Variants in IL17RD observed in about 807,000 individuals in gnomAD.
IL17RD encodes interleukin-17 receptor D.
A neutral mutation model predicts 80.5 loss-of-function variants in IL17RD; 52 were observed. That is an observed-to-expected ratio of 0.65 (90% CI 0.52 to 0.81). The LOEUF is 0.81. Ranked by LOEUF, IL17RD falls within the 40% of genes least tolerant of loss-of-function variation. The pLI, the probability that IL17RD is intolerant of heterozygous loss-of-function variation, is 0.00. For missense variants in IL17RD, 1,024 were observed against 955.1 expected, an observed-to-expected ratio of 1.07 and a Z score of -0.95; for synonymous variants, 416 against 391.8, an observed-to-expected ratio of 1.06 and a Z score of -0.73.
At chr3:57,152,185 C>T (rs1443908545) in intron 1 of IL17RD, among the ~76,000 whole-genome samples, 1 of 152,082 alleles carries the variant, frequency 6.6e-6, no homozygotes, top group African/African-American at 2.4e-5. Flanking sequence ...GGCAAGCTGC[C>T]CCCCGCCCCC....
chr3:57,149,537 T>C (rs768751096), intron 1 of IL17RD, among the ~76,000 whole-genome samples: 3 of 152,204 alleles, frequency 2.0e-5, no homozygotes, highest in Admixed American at 6.5e-5. Context: ...ATGTCTACCT[T>C]TGAGGGTGAG....
At chr3:57,098,900 G>C (rs2107465125) in intron 11 of IL17RD, among the ~76,000 whole-genome samples, 1 of 152,350 alleles carries the variant, frequency 6.6e-6, no homozygotes, top group South Asian at 2.1e-4. Context: ...GAGAGCACAG[G>C]ACAGAGAAAC....
At chr3:57,153,469 A>G (rs2060243526) in intron 1 of IL17RD, among the ~76,000 whole-genome samples, 1 of 152,196 alleles carries the variant, frequency 6.6e-6, no homozygotes, top group Non-Finnish European at 1.5e-5. Context: ...TAAAGGACCG[A>G]AAAATAGGTA....
upstream of IL17RD, among the ~76,000 whole-genome samples, chr3:57,168,771 C>T (rs1287540530): frequency 6.6e-6 from 1 of 152,160 alleles, no homozygotes; most frequent in Admixed American, 6.5e-5. Flanking sequence ...GGTTGGAGTG[C>T]AATGCCATGG....
At chr3:57,159,416 TAA>T (rs2060288858) in intron 1 of IL17RD, among the ~76,000 whole-genome samples, 1 of 152,210 alleles carries the variant, frequency 6.6e-6, no homozygotes, top group African/African-American at 2.4e-5. Context: ...CAAGGCATTT[TAA>T]TAGAGCAAAT....
intron 3 of IL17RD, among the ~76,000 whole-genome samples, chr3:57,111,312 T>C (rs2107485185): frequency 6.6e-6 from 1 of 152,352 alleles, no homozygotes; most frequent in African/African-American, 2.4e-5. Context: ...TGATGAAGAA[T>C]ACATATTTCT....
intron 1 of IL17RD, among the ~76,000 whole-genome samples, chr3:57,125,861 C>G (rs935772176): frequency 6.6e-6 from 1 of 152,210 alleles, no homozygotes; most frequent in South Asian, 2.1e-4. Context: ...AAACCCCTGC[C>G]TACAGTCCTG....
intron 1 of IL17RD, among the ~76,000 whole-genome samples, chr3:57,152,603 G>A (rs1262125211): frequency 6.6e-6 from 1 of 152,130 alleles, no homozygotes; most frequent in Non-Finnish European, 1.5e-5. Context: ...ACAACTTGTT[G>A]CTTTTTGACA....
At chr3:57,114,532 G>A (rs963500912) in intron 3 of IL17RD, among the ~76,000 whole-genome samples, 160 bp downstream of exon 3, 4 of 152,194 alleles carry the variant, frequency 2.6e-5, no homozygotes, top group Admixed American at 6.5e-5. Flanking sequence ...CCATGTGTAC[G>A]CCCAGCAAAT....
intron 11 of IL17RD, among the ~76,000 whole-genome samples, chr3:57,099,175 T>C (rs564402328): frequency 2.8e-4 from 43 of 152,226 alleles, no homozygotes; most frequent in Non-Finnish European, 5.9e-4. Flanking sequence ...GAGAGGAGGC[T>C]AGTGAACTGC....
At chr3:57,125,096 A>C (rs1358279037) in intron 1 of IL17RD, among the ~76,000 whole-genome samples, 1 of 152,040 alleles carries the variant, frequency 6.6e-6, no homozygotes, top group African/African-American at 2.4e-5. Context: ...AAATTTCTGA[A>C]CCTCCCTGAG....
intron 1 of IL17RD, among the ~76,000 whole-genome samples, chr3:57,120,553 C>T (rs1231358858): frequency 6.6e-6 from 1 of 152,216 alleles, no homozygotes; most frequent in Non-Finnish European, 1.5e-5. Context: ...TCCCCTAAAA[C>T]AATAAGGGCA....
At chr3:57,128,971 C>A (rs1287832263) in intron 1 of IL17RD, among the ~76,000 whole-genome samples, 1 of 152,174 alleles carries the variant, frequency 6.6e-6, no homozygotes, top group Non-Finnish European at 1.5e-5. Context: ...CAGGATTGTT[C>A]CATTTTTCCA....
At chr3:57,118,917 T>C (rs886162113) in intron 2 of IL17RD, among the ~76,000 whole-genome samples, 7 of 152,248 alleles carry the variant, frequency 4.6e-5, no homozygotes, top group South Asian at 2.1e-4. Flanking sequence ...ACAGAACTGA[T>C]AGGTGGGGCC....
intron 3 of IL17RD, among the ~76,000 whole-genome samples, chr3:57,113,101 A>G (rs6445857): frequency 0.91 from 138,878 of 152,270 alleles, 63,880 homozygotes; most frequent in African/African-American, 0.98. Flanking sequence ...CCCTTCCTAC[A>G]TCTCACACTT....
intron 5 of IL17RD, among the ~76,000 whole-genome samples, chr3:57,109,311 C>A (rs1031546505): frequency 6.6e-6 from 1 of 152,070 alleles, no homozygotes; most frequent in Admixed American, 6.5e-5. Flanking sequence ...CCACGCCTGG[C>A]TAATTTTTGT....
chr3:57,111,730 G>T (rs1284503261), intron 3 of IL17RD, among the ~76,000 whole-genome samples: 4 of 151,962 alleles, frequency 2.6e-5, no homozygotes, highest in Admixed American at 1.3e-4. Flanking sequence ...CAGCACTTTG[G>T]AAGGCCGAGG....
intron 1 of IL17RD, among the ~76,000 whole-genome samples, chr3:57,121,033 G>A (rs1273320922): frequency 1.3e-5 from 2 of 152,182 alleles, no homozygotes; most frequent in South Asian, 2.1e-4. Flanking sequence ...CGTTGACCCC[G>A]CCTTTTCCAC....
intron 7 of IL17RD, among the ~76,000 whole-genome samples, chr3:57,104,909 CAG>C (rs1242496543): frequency 6.6e-6 from 1 of 152,180 alleles, no homozygotes; most frequent in Non-Finnish European, 1.5e-5. Flanking sequence ...TTGGTATCCA[CAG>C]AGGCAATCAG....
Sources: allele counts gnomAD v4.1 joint callset (sites outside exome capture counted in the v4.1 genomes callset), GRCh38; gene constraint gnomAD v4.1.1; transcripts MANE v1.5; gene names NCBI Gene and HGNC (gene_info 2026-07-23, HGNC 2026-07-21).